The following SCN9A variants were observed in gnomAD, a reference collection of about 807,000 sequenced individuals.
SCN9A encodes sodium channel protein type 9 subunit alpha.
A neutral mutation model predicts 187.0 loss-of-function variants in SCN9A; 131 were observed. The ratio of observed to expected loss-of-function variants is 0.70; its 90% CI spans 0.61 to 0.81. SCN9A has a LOEUF of 0.81. SCN9A is among the 30% of genes least tolerant of loss of function. The pLI is 0.00. For missense variants in SCN9A, 2,252 were observed against 2,396.6 expected (o/e 0.94, Z 1.26); for synonymous variants, 809 against 808.6 (o/e 1.00, Z -0.01).
intron 1 of SCN9A, among the ~76,000 whole-genome samples, chr2:166,359,561 A>T (rs1241350721): frequency 6.6e-6 from 1 of 152,132 alleles, no homozygotes; most frequent in Non-Finnish European, 1.5e-5. Context: ...TATGTTAATC[A>T]TGTAAATAAA....
chr2:166,296,301 A>G (rs1444860777), intron 7 of SCN9A, among the ~76,000 whole-genome samples: 1 of 152,262 alleles, frequency 6.6e-6, no homozygotes, highest in African/African-American at 2.4e-5. Context: ...AGGAGTTATT[A>G]TAATTAGTTA....
chr2:166,313,580 C>T (rs751325083), intron 1 of SCN9A, among the ~76,000 whole-genome samples: 29 of 152,090 alleles, frequency 1.9e-4, no homozygotes, highest in Non-Finnish European at 1.6e-4. Flanking sequence ...GGAGTTATGG[C>T]CTTGCTGTGG....
chr2:166,196,383 A>G lies in SCN9A; in HGVS notation c.*2289T>C, dbSNP rs1198010925. 3 of 152,168 alleles carry G rather than the reference A, an allele frequency of 2.0e-5. No individual in the cohort carries two copies. Among genetic ancestry groups the G allele is most frequent in the African/African-American group, 7.2e-5 (3 of 41,442 alleles). 9.4% of individuals were successfully genotyped at this position (152,168 alleles called of 1,614,324 possible). On this transcript the variant is annotated 3_prime_UTR_variant, in exon 27 of 27. Coordinates refer to ENST00000642356, the MANE Select transcript of SCN9A (RefSeq NM_001365536.1). ...TTTAAAAAAAAACATAGTTCATGAAATAGGAAAAAGAACAACTTTATATAT... is the reference window on the plus strand; with the variant it reads ...TTTAAAAAAAAACATAGTTCATGAAGTAGGAAAAAGAACAACTTTATATAT...
chr2:166,208,355 G>A (rs1210958359), intron 24 of SCN9A, among the ~76,000 whole-genome samples: 2 of 152,172 alleles, frequency 1.3e-5, no homozygotes, highest in Non-Finnish European at 2.9e-5. Context: ...TGTGTTTGCT[G>A]AGAAGATAAA....
At chr2:166,276,856 A>T in intron 16 of SCN9A, 127 bp downstream of exon 16, 1 of 743,526 alleles carries the variant, frequency 1.3e-6, no homozygotes, top group Non-Finnish European at 1.9e-6. Context: ...TATTAAAATT[A>T]TCACTATTCT....
At position 166,272,694 on chromosome 2, in the gene SCN9A, T is replaced by C. The variant is rs201979706; in HGVS notation, c.3056A>G (p.Lys1019Arg). Residue 1019 changes from lysine to arginine, a missense_variant, in exon 17 of 27, where the codon AAG becomes AGG. By Grantham distance (26) the Lys-to-Arg change is conservative (BLOSUM62 2). This residue lies in a region of SCN9A where 313 missense variants were observed against 295.3 expected (regional missense o/e 1.06). Transcript: ENST00000642356. ...TGCTTGTCTTATCTCCCTGGAAATC[T>C]TTGGCTTTTTGGAAAATGCTTTTAG... ...FILKAFSKKPKISREIRQAED... is the reference protein window; with the variant it reads ...FILKAFSKKPRISREIRQAED... 6.7e-5 allele frequency: 107 copies of C among 1,598,092 alleles called. No individual in the cohort carries two copies. Among genetic ancestry groups the C allele is most frequent in the Non-Finnish European group, 8.4e-5 (98 of 1,172,742 alleles).
intron 1 of SCN9A, among the ~76,000 whole-genome samples, chr2:166,369,491 T>A (rs1700498514): frequency 1.3e-5 from 2 of 152,238 alleles, no homozygotes; most frequent in Admixed American, 1.3e-4. Flanking sequence ...TATTCCCAGT[T>A]GATCCCTGAG....
chr2:166,370,232 A>ATCATCATCATCATCATC (rs1553507732), intron 1 of SCN9A, among the ~76,000 whole-genome samples: 22 of 137,296 alleles, frequency 1.6e-4, no homozygotes, highest in African/African-American at 5.0e-4. Context: ...TAATAATAAT[A>ATCATCATCATCATCATC]ATAATCATCA....
At chr2:166,306,870 CA>C in intron 3 of SCN9A, 85 bp downstream of exon 3, 1 of 739,174 alleles carries the variant, frequency 1.4e-6, no homozygotes, top group Non-Finnish European at 2.3e-6. Context: ...TTTCAAGGTG[CA>C]AAAGGTATAA....
chr2:166,199,983 T>G (rs1449971172), intron 26 of SCN9A, 119 bp from the exon 27 acceptor site: 1 of 281,452 alleles, frequency 3.6e-6, no homozygotes, highest in Non-Finnish European at 5.3e-6. Flanking sequence ...CAGTTTTTTT[T>G]TTTTTTTTTT....
At chr2:166,361,619 T>C (rs138334413) in intron 1 of SCN9A, among the ~76,000 whole-genome samples, 9 of 152,072 alleles carry the variant, frequency 5.9e-5, no homozygotes, top group Non-Finnish European at 1.3e-4. Flanking sequence ...AACAAAAACA[T>C]TGGAATATCA....
chr2:166,214,553 C>T (rs1287856261), intron 24 of SCN9A, among the ~76,000 whole-genome samples: 3 of 93,412 alleles, frequency 3.2e-5, no homozygotes, highest in African/African-American at 9.4e-5. Flanking sequence ...CTCGCTCTGT[C>T]GCCCAGGCTG....
chr2:166,277,470 ATTC>A (rs1167271354), intron 15 of SCN9A, 131 bp from the exon 16 acceptor site: 2 of 598,864 alleles, frequency 3.3e-6, no homozygotes, highest in East Asian at 2.8e-5. Flanking sequence ...CAGCTAAAAT[ATTC>A]TTATTTTTCA....
At chr2:166,370,050 T>A (rs937382017) in intron 1 of SCN9A, among the ~76,000 whole-genome samples, 1 of 151,962 alleles carries the variant, frequency 6.6e-6, no homozygotes, top group Non-Finnish European at 1.5e-5. Context: ...CTACATTTAC[T>A]TCTTTTTTCA....
chr2:166,228,106 G>A (rs372671125), intron 22 of SCN9A, among the ~76,000 whole-genome samples: 1 of 151,944 alleles, frequency 6.6e-6, no homozygotes, highest in South Asian at 2.1e-4. Context: ...GTTCAAAAAC[G>A]TTCATTTTTG....
At chr2:166,309,675 C>A (rs927827425) in intron 2 of SCN9A, among the ~76,000 whole-genome samples, 2 of 149,764 alleles carry the variant, frequency 1.3e-5, no homozygotes, top group African/African-American at 5.0e-5. Flanking sequence ...GCCATACTGC[C>A]CAAGGTAATT....
At chr2:166,247,620 G>A (rs907315772) in intron 18 of SCN9A, among the ~76,000 whole-genome samples, 3 of 152,008 alleles carry the variant, frequency 2.0e-5, no homozygotes, top group East Asian at 1.9e-4. Flanking sequence ...GGGTTCAAGC[G>A]ATTCTCCTGC....
chr2:166,369,834 A>G (rs1700505734), intron 1 of SCN9A, among the ~76,000 whole-genome samples: 1 of 152,190 alleles, frequency 6.6e-6, no homozygotes, highest in African/African-American at 2.4e-5. Context: ...TATATGAAAT[A>G]TAAATTTTAA....
At chr2:166,303,924 G>A (rs1698664537) in intron 6 of SCN9A, 2 of 1,149,306 alleles carry the variant, frequency 1.7e-6, no homozygotes, top group Admixed American at 2.0e-5. Flanking sequence ...AATGATTGTG[G>A]AAAACAGAAG....
Sources: gnomAD v4.1 joint callset for allele counts (sites outside exome capture counted in the v4.1 genomes callset) on GRCh38, gnomAD v4.1.1 for gene constraint, gnomAD v4.1.1 regional missense constraint, MANE v1.5 for transcripts, NCBI Gene and HGNC (gene_info 2026-07-23, HGNC 2026-07-21) for gene names.